ATP5PB: variants seen among roughly 807,000 people sequenced by gnomAD.
ATP5PB encodes ATP synthase peripheral stalk-membrane subunit b.
Under a neutral mutation model 34.5 loss-of-function variants are expected in ATP5PB, and 21 were observed. The ratio of observed to expected loss-of-function variants is 0.61; its 90% CI spans 0.43 to 0.88. The LOEUF is 0.88. ATP5PB is among the 40% of genes least tolerant of loss of function. The pLI, the probability that ATP5PB is intolerant of heterozygous loss-of-function variation, is 0.00. For missense variants in ATP5PB, 293 were observed against 317.4 expected (o/e 0.92, Z 0.58); for synonymous variants, 108 against 114.1 (o/e 0.95, Z 0.34).
At chr1:111,449,939 C>T in intron 2 of ATP5PB, 66 bp downstream of exon 2, 1 of 1,597,440 alleles carries the variant, frequency 6.3e-7, no homozygotes, top group Non-Finnish European at 8.6e-7. Flanking sequence ...CGATTCCTGC[C>T]CCCACCCCCT....
At chr1:111,456,546 C>A in intron 4 of ATP5PB, 84 bp from the exon 5 acceptor site, 1 of 1,504,754 alleles carries the variant, frequency 6.6e-7, no homozygotes, top group Non-Finnish European at 8.9e-7. Flanking sequence ...ATGAGATATA[C>A]AACTTTGAAG....
chr1:111,460,304 A>AT (rs201323063), intron 6 of ATP5PB, among the ~76,000 whole-genome samples: 3 of 149,900 alleles, frequency 2.0e-5, no homozygotes, highest in Non-Finnish European at 4.4e-5. Context: ...AACTGAATTA[A>AT]TTTTTTTTCA....
intron 5 of ATP5PB, among the ~76,000 whole-genome samples, chr1:111,457,881 A>G (rs552111475): frequency 6.6e-6 from 1 of 152,368 alleles, no homozygotes; most frequent in African/African-American, 2.4e-5. Context: ...CTTCTTGCAT[A>G]GTATATACAC....
intron 3 of ATP5PB, 112 bp downstream of exon 3, chr1:111,454,468 GT>G: frequency 7.8e-7 from 1 of 1,287,966 alleles, no homozygotes; most frequent in Non-Finnish European, 1.0e-6. Context: ...TGTTGTTGTT[GT>G]TTTTTGAGAC....
At chr1:111,451,043 C>A (rs146600960) in intron 2 of ATP5PB, among the ~76,000 whole-genome samples, 1 of 152,172 alleles carries the variant, frequency 6.6e-6, no homozygotes, top group African/African-American at 2.4e-5. Flanking sequence ...TTTTAGTAGT[C>A]TCTTAATTAG....
chr1:111,459,392 C>A (rs1653555926), intron 5 of ATP5PB, 65 bp from the exon 6 acceptor site: 3 of 1,436,850 alleles, frequency 2.1e-6, no homozygotes, highest in Admixed American at 4.5e-5. Context: ...CTGGCAGAAT[C>A]TTCAGAGTAG....
chr1:111,453,316 A>G (rs1281462783), intron 2 of ATP5PB, among the ~76,000 whole-genome samples: 1 of 152,120 alleles, frequency 6.6e-6, no homozygotes. Flanking sequence ...CAGTACTGGC[A>G]ATAGTAAGTT....
At position 111,452,851 on chromosome 1, in the gene ATP5PB, A is replaced by C. The variant is rs1478438138; in HGVS notation, c.78-1360A>C. Among the ~76,000 whole-genome samples the C allele has an allele frequency of 2.0e-5, 3 of 152,214 alleles. No homozygotes were observed. The East Asian group carries it at 5.8e-4, about 29-fold the overall frequency. ...ATAAAGGCCACAAAGATACTGCCAG[A>C]CATTCTACAATGCACAGAACAACCT... On this transcript the variant is annotated intron_variant, in intron 2 of 6. Coordinates refer to ENST00000369722, the MANE Select transcript of ATP5PB (RefSeq NM_001688.5).
At chr1:111,457,856 G>A (rs1168498617) in intron 5 of ATP5PB, among the ~76,000 whole-genome samples, 2 of 152,140 alleles carry the variant, frequency 1.3e-5, no homozygotes, top group Non-Finnish European at 2.9e-5. Context: ...GGTTACAAAG[G>A]GAGAATGCTT....
At chr1:111,460,436 G>GTTTTTTTTTTTTTTT (rs532728250) in intron 6 of ATP5PB, among the ~76,000 whole-genome samples, 1 of 125,850 alleles carries the variant, frequency 7.9e-6, no homozygotes. Context: ...GTCTATCAAA[G>GTTTTTTTTTTTTTTT]TTTTTTTTTT....
chr1:111,460,094 G>A (rs1173977962), intron 6 of ATP5PB, among the ~76,000 whole-genome samples: 1 of 152,176 alleles, frequency 6.6e-6, no homozygotes, highest in Admixed American at 6.5e-5. Flanking sequence ...AGCCCAGGAA[G>A]CATAGGCTGT....
Position 111,456,043 on chromosome 1 carries a change from G to T in ATP5PB, c.224-43G>T, listed in dbSNP as rs759798087. 7.6e-6 allele frequency: 11 copies of T among 1,453,202 alleles called. No homozygotes were observed. In the African/African-American group the frequency reaches 1.3e-4, roughly 17 times the overall value. 90.0% of individuals were successfully genotyped at this position (1,453,202 alleles called of 1,614,324 possible). A position where few individuals can be genotyped will look rare whatever the true frequency, so the allele number is the denominator to read the frequency against. On this transcript the variant is annotated intron_variant, in intron 3 of 6. Transcript: ENST00000369722. ...GTACCTTTCTATCTTCCCTCTTTTAGGCATAGCATATCCCTTCATAAAATA... is the reference window on the plus strand; with the variant it reads ...GTACCTTTCTATCTTCCCTCTTTTATGCATAGCATATCCCTTCATAAAATA...
chr1:111,457,228 G>C (rs1653497642), intron 5 of ATP5PB, among the ~76,000 whole-genome samples: 1 of 152,048 alleles, frequency 6.6e-6, no homozygotes, highest in Non-Finnish European at 1.5e-5. Flanking sequence ...CAGCAGGACT[G>C]CTTGCACCCA....
intron 2 of ATP5PB, among the ~76,000 whole-genome samples, chr1:111,451,522 A>C (rs1342644100): frequency 1.3e-5 from 2 of 152,162 alleles, no homozygotes; most frequent in African/African-American, 4.8e-5. Context: ...AGCTTTGTTC[A>C]TTGCCATGTT....
Position 111,456,131 on chromosome 1 carries a change from A to AAGAAATATATGTGATT in ATP5PB, c.272_287dup (p.Ser96ArgfsTer6). On this transcript the variant is annotated frameshift_variant, in exon 4 of 7. Coordinates refer to ENST00000369722, the MANE Select transcript of ATP5PB (RefSeq NM_001688.5). LOFTEE classifies it high-confidence loss of function. ...GGGCTTATCTTGTACGCTTTATCCA[A>AAGAAATATATGTGATT]AGAAATATATGTGATTAGCGCAGAG... 6.2e-7 allele frequency: 1 copy of AAGAAATATATGTGATT among 1,611,336 alleles called. No homozygotes were observed. Among genetic ancestry groups the AAGAAATATATGTGATT allele is most frequent in the South Asian group, 1.1e-5 (1 of 90,684 alleles).
Position 111,459,588 on chromosome 1 carries a change from G to A in ATP5PB, c.645G>A (p.Met215Ile). 1 of 1,613,902 alleles carries A rather than the reference G, an allele frequency of 6.2e-7. No homozygotes were observed. Among genetic ancestry groups the A allele is most frequent in the Admixed American group, 1.7e-5 (1 of 59,998 alleles). ...TGCGTCGAAAGGAACAAGAACACAT[G>A]ATAAATTGGGTGGAGAAGCACGTGG... ...NMMRRKEQEH[M>I]INWVEKHVVQ... is the part of the protein sequence containing the mutation. Residue 215 changes from methionine (M) to isoleucine (I), a missense_variant, in exon 6 of 7, where the codon ATG becomes ATA. Coordinates refer to ENST00000369722, the MANE Select transcript of ATP5PB (RefSeq NM_001688.5).
rs77968473 is a variant in ATP5PB, at chr1:111,457,350, A to T, written c.513+595A>T. On this transcript the variant is annotated intron_variant, in intron 5 of 6. Transcript: ENST00000369722. ...ACACACACACACACACAAACAACAAATTCAGATAGCAGTAGAGCTTTTTAT... is the reference window on the plus strand; with the variant it reads ...ACACACACACACACACAAACAACAATTTCAGATAGCAGTAGAGCTTTTTAT... 7.4e-3 allele frequency among the ~76,000 whole-genome samples: 1,086 copies of T among 146,018 alleles called. 6 individuals carry two copies. Among genetic ancestry groups the T allele is most frequent in the Admixed American group, 0.015 (219 of 14,998 alleles).
intron 3 of ATP5PB, 102 bp downstream of exon 3, chr1:111,454,458 TGTTGTTGTTG>T: frequency 7.0e-7 from 1 of 1,430,324 alleles, no homozygotes; most frequent in African/African-American, 1.5e-5. Context: ...TTGTTGTTGT[TGTTGTTGTTG>T]TTTTTTGAGA....
At chr1:111,460,891 A>G (rs1284950941) in intron 6 of ATP5PB, 26 bp from the exon 7 acceptor site, 2 of 1,609,580 alleles carry the variant, frequency 1.2e-6, no homozygotes. Flanking sequence ...GAAAGGTCTA[A>G]CCAGATTTCT....
Sources: allele counts gnomAD v4.1 joint callset (sites outside exome capture counted in the v4.1 genomes callset), GRCh38; gene constraint gnomAD v4.1.1; transcripts MANE v1.5; gene names NCBI Gene and HGNC (gene_info 2026-07-23, HGNC 2026-07-21).